Variants in SGCZ observed in about 807,000 individuals in gnomAD.
The protein encoded by SGCZ is sarcoglycan zeta.
In SGCZ, 40 loss-of-function variants were observed where a neutral mutation model predicts 41.3. The ratio of observed to expected loss-of-function variants is 0.97; its 90% CI spans 0.75 to 1.26. SGCZ has a LOEUF of 1.26. Ranked by LOEUF, SGCZ falls within the 50% of genes most tolerant of loss-of-function variation. SGCZ has a pLI of 0.00. For synonymous variants in SGCZ, 206 were observed against 137.5 expected, an observed-to-expected ratio of 1.50 and a Z score of -3.49; for missense variants, 552 against 369.8, an observed-to-expected ratio of 1.49 and a Z score of -4.04.
intron 1 of SGCZ, among the ~76,000 whole-genome samples, chr8:14,580,425 T>C (rs574676207): frequency 6.6e-6 from 1 of 152,184 alleles, no homozygotes; most frequent in Non-Finnish European, 1.5e-5. Context: ...AAAACACAGT[T>C]AAATAGAAGT....
Position 14,947,009 on chromosome 8 carries a change from G to T in SGCZ, c.39+290576C>A, listed in dbSNP as rs1020651953. Among the ~76,000 whole-genome samples the T allele has an allele frequency of 6.6e-5, 10 of 151,926 alleles. No individual in the cohort carries two copies. The East Asian group carries it at 1.9e-3, about 29-fold the overall frequency. ...TATAGTTAGGGTTTGAAACATAAAA[G>T]GAACTTTTGAGAAGGAAAACCAAAA... On this transcript the variant is annotated intron_variant, in intron 1 of 7. Coordinates refer to ENST00000382080, the MANE Select transcript of SGCZ (RefSeq NM_139167.4).
chr8:14,911,358 C>A (rs576978219), intron 1 of SGCZ, among the ~76,000 whole-genome samples: 2 of 151,942 alleles, frequency 1.3e-5, no homozygotes, highest in African/African-American at 4.8e-5. Flanking sequence ...GACACCAATG[C>A]CTATTTTTCT....
chr8:14,975,360 G>T (rs1157708243), intron 1 of SGCZ, among the ~76,000 whole-genome samples: 2 of 152,140 alleles, frequency 1.3e-5, no homozygotes, highest in Non-Finnish European at 2.9e-5. Context: ...GGGGAATTGT[G>T]TAGCAGCGTT....
At chr8:14,668,147 C>A (rs778369425) in intron 1 of SGCZ, among the ~76,000 whole-genome samples, 1 of 151,972 alleles carries the variant, frequency 6.6e-6, no homozygotes, top group African/African-American at 2.4e-5. Flanking sequence ...TTAGTAGAGA[C>A]GGGGGATTCA....
At chr8:14,593,093 C>G (rs527310779) in intron 1 of SGCZ, among the ~76,000 whole-genome samples, 1 of 152,100 alleles carries the variant, frequency 6.6e-6, no homozygotes, top group Non-Finnish European at 1.5e-5. Flanking sequence ...CTCCTCACCC[C>G]CAAAGATGTC....
At chr8:14,223,420 T>C (rs572729594) in intron 4 of SGCZ, among the ~76,000 whole-genome samples, 1 of 152,038 alleles carries the variant, frequency 6.6e-6, no homozygotes, top group Admixed American at 6.6e-5. Context: ...TACTATAGAG[T>C]TCAGATTATT....
At chr8:14,517,072 G>C (rs1412729123) in intron 2 of SGCZ, among the ~76,000 whole-genome samples, 1 of 151,996 alleles carries the variant, frequency 6.6e-6, no homozygotes, top group Non-Finnish European at 1.5e-5. Flanking sequence ...ATAAGTCTTC[G>C]TAATGCGTGA....
chr8:14,124,237 C>A (rs569119976), intron 5 of SGCZ, among the ~76,000 whole-genome samples: 1 of 152,218 alleles, frequency 6.6e-6, no homozygotes, highest in South Asian at 2.1e-4. Context: ...TGTAGGCAGT[C>A]CATTCGAGCT....
chr8:14,601,452 C>A (rs569709323), intron 1 of SGCZ, among the ~76,000 whole-genome samples: 1 of 151,502 alleles, frequency 6.6e-6, no homozygotes, highest in South Asian at 2.1e-4. Context: ...AAGTTGGTTC[C>A]TTTTTTTTCA....
chr8:15,018,264 G>A lies in SGCZ; in HGVS notation c.39+219321C>T, dbSNP rs371033922. Among the ~76,000 whole-genome samples, 24 of 152,182 alleles carry A rather than the reference G, an allele frequency of 1.6e-4. 1 individual carries two copies. Among genetic ancestry groups the A allele is most frequent in the African/African-American group, 5.6e-4 (23 of 41,420 alleles). ...TAGGACAGACACTGTTCTAAGCTCA[G>A]AGATGTCTTCAAGATCAAAAATAAA... On this transcript the variant is annotated intron_variant, in intron 1 of 7. Coordinates refer to ENST00000382080, the MANE Select transcript of SGCZ (RefSeq NM_139167.4).
At chr8:14,438,548 A>C (rs1401824166) in intron 2 of SGCZ, among the ~76,000 whole-genome samples, 1 of 151,998 alleles carries the variant, frequency 6.6e-6, no homozygotes, top group Non-Finnish European at 1.5e-5. Flanking sequence ...CTATGGAGTC[A>C]AACACCATGA....
chr8:14,564,463 A>T, intron 1 of SGCZ, among the ~76,000 whole-genome samples: 1 of 152,162 alleles, frequency 6.6e-6, no homozygotes, highest in East Asian at 1.9e-4. Context: ...AGGGAAAGTC[A>T]CTTAGCCTCT....
Position 15,231,124 on chromosome 8 carries a change from T to C in SGCZ, c.39+6461A>G, listed in dbSNP as rs111301436. Among the ~76,000 whole-genome samples the C allele has an allele frequency of 3.0e-3, 462 of 152,320 alleles. 1 individual carries two copies. Among genetic ancestry groups the C allele is most frequent in the African/African-American group, 0.011 (449 of 41,564 alleles). On this transcript the variant is annotated intron_variant, in intron 1 of 7. Coordinates refer to ENST00000382080, the MANE Select transcript of SGCZ (RefSeq NM_139167.4). ...GAATTCTAACTGCTTCTGAGCTCCA[T>C]TTTAGCGTGGGGTGACTGTTGGAAT...
rs369055039 is a variant in SGCZ at position 14,271,400 on chromosome 8, G to A, written c.337-33721C>T. 3.2e-3 allele frequency among the ~76,000 whole-genome samples: 484 copies of A among 152,158 alleles called. 2 individuals carry two copies. Among genetic ancestry groups the A allele is most frequent in the African/African-American group, 0.011 (464 of 41,476 alleles). On this transcript the variant is annotated intron_variant, in intron 3 of 7. Transcript: ENST00000382080. ...ATGTGAGCTTTAATATATAATAGTA[G>A]AGTTATCTCCATGAAGACTTGTAGA...
chr8:14,541,105 A>G (rs1397003422), intron 2 of SGCZ, among the ~76,000 whole-genome samples: 4 of 151,700 alleles, frequency 2.6e-5, no homozygotes, highest in Non-Finnish European at 5.9e-5. Context: ...CACATATATT[A>G]TATATATCAG....
rs1381910422 is a variant in SGCZ at position 14,354,597 on chromosome 8, T to C, written c.235-30393A>G. ...ACATAAACATAATACAAGAGTAAACTAGAGAGTTTACAACATAAACCATCG... is the reference window on the plus strand; with the variant it reads ...ACATAAACATAATACAAGAGTAAACCAGAGAGTTTACAACATAAACCATCG... On this transcript the variant is annotated intron_variant, in intron 2 of 7. Transcript: ENST00000382080. Among the ~76,000 whole-genome samples the C allele has an allele frequency of 3.3e-5, 5 of 151,594 alleles. No homozygotes were observed. The East Asian group carries it at 7.7e-4, about 23-fold the overall frequency.
At chr8:14,693,659 C>T (rs28587556) in intron 1 of SGCZ, among the ~76,000 whole-genome samples, 3,174 of 140,220 alleles carry the variant, frequency 0.023, 113 homozygotes, top group African/African-American at 0.078. Context: ...GGCGCGATCT[C>T]AGCTCACTGC....
At chr8:14,354,802 T>C (rs1803235080) in intron 2 of SGCZ, among the ~76,000 whole-genome samples, 1 of 151,854 alleles carries the variant, frequency 6.6e-6, no homozygotes, top group South Asian at 2.1e-4. Context: ...ATTCTCATAA[T>C]TTGTATTTAA....
At chr8:15,193,080 T>C (rs146429730) in intron 1 of SGCZ, among the ~76,000 whole-genome samples, 69 of 152,120 alleles carry the variant, frequency 4.5e-4, no homozygotes, top group African/African-American at 1.4e-3. Flanking sequence ...GGTATAGTTG[T>C]CTGGAATTTA....
Sources: gnomAD v4.1 joint callset for allele counts (sites outside exome capture counted in the v4.1 genomes callset) on GRCh38, gnomAD v4.1.1 for gene constraint, MANE v1.5 for transcripts, NCBI Gene and HGNC (gene_info 2026-07-23, HGNC 2026-07-21) for gene names.